The following MYO3A variants were observed in gnomAD, a reference collection of about 807,000 sequenced individuals.
The protein encoded by MYO3A is myosin-IIIa.
Under a neutral mutation model 192.7 loss-of-function variants are expected in MYO3A, and 180 were observed. The ratio of observed to expected loss-of-function variants is 0.93; its 90% confidence interval spans 0.83 to 1.06. MYO3A has a LOEUF of 1.06. Ranked by LOEUF, MYO3A falls within the 50% of genes least tolerant of loss-of-function variation. The pLI is 0.00. For missense variants in MYO3A, 1,896 were observed against 1,905.0 expected, an observed-to-expected ratio of 1.00 and a Z score of 0.09; for synonymous variants, 628 against 645.3, an observed-to-expected ratio of 0.97 and a Z score of 0.41.
intron 31 of MYO3A, among the ~76,000 whole-genome samples, chr10:26,180,862 G>A (rs1842590236): frequency 6.6e-6 from 1 of 151,820 alleles, no homozygotes; most frequent in Admixed American, 6.6e-5. Context: ...TTACTTTCTA[G>A]GTTTAAAAAA....
chr10:26,071,070 G>A (rs191916267), intron 14 of MYO3A, among the ~76,000 whole-genome samples: 138 of 151,584 alleles, frequency 9.1e-4, no homozygotes, highest in African/African-American at 3.3e-3. Flanking sequence ...AATATATATT[G>A]AAGGGCAAAG....
chr10:25,992,187 C>G (rs1840079007), intron 4 of MYO3A, among the ~76,000 whole-genome samples: 1 of 152,158 alleles, frequency 6.6e-6, no homozygotes, highest in African/African-American at 2.4e-5. Context: ...TCTTTTGTTT[C>G]ACTGAGCAGT....
chr10:26,046,605 A>G (rs2131258828), intron 10 of MYO3A, among the ~76,000 whole-genome samples: 1 of 152,330 alleles, frequency 6.6e-6, no homozygotes, highest in Non-Finnish European at 1.5e-5. Context: ...TTACAACCCA[A>G]AATAGATTAC....
intron 17 of MYO3A, among the ~76,000 whole-genome samples, chr10:26,107,839 A>G (rs926320513): frequency 6.6e-6 from 1 of 152,242 alleles, no homozygotes; most frequent in South Asian, 2.1e-4. Context: ...CACAACAGCT[A>G]TTGGATGCAT....
intron 4 of MYO3A, among the ~76,000 whole-genome samples, chr10:25,965,916 G>A (rs1180689664): frequency 1.3e-5 from 2 of 151,616 alleles, no homozygotes; most frequent in Non-Finnish European, 2.9e-5. Context: ...GGCTACCGGG[G>A]TAGGGAAGGG....
intron 14 of MYO3A, among the ~76,000 whole-genome samples, chr10:26,079,727 C>A (rs1484400951): frequency 6.6e-6 from 1 of 152,172 alleles, no homozygotes; most frequent in African/African-American, 2.4e-5. Flanking sequence ...ATGGTGAATT[C>A]TCTCAGCATT....
chr10:25,959,806 T>G (rs967290282), intron 4 of MYO3A, among the ~76,000 whole-genome samples: 2 of 138,622 alleles, frequency 1.4e-5, no homozygotes, highest in African/African-American at 6.5e-5. Flanking sequence ...AACCTGGGTG[T>G]GTGTGTGTGT....
intron 31 of MYO3A, among the ~76,000 whole-genome samples, chr10:26,182,953 A>G (rs1374338362): frequency 7.3e-6 from 1 of 136,552 alleles, no homozygotes; most frequent in East Asian, 2.1e-4. Flanking sequence ...AAGCGAGATG[A>G]CCAGGCAGGT....
At chr10:25,997,320 A>T (rs1487922888) in intron 6 of MYO3A, 62 bp downstream of exon 6, 14 of 1,266,246 alleles carry the variant, frequency 1.1e-5, no homozygotes, top group South Asian at 2.4e-5. Flanking sequence ...ATATGATTTG[A>T]TCTTTTTCGA....
chr10:26,014,436 A>G (rs931129084), intron 6 of MYO3A, among the ~76,000 whole-genome samples: 1 of 152,126 alleles, frequency 6.6e-6, no homozygotes, highest in African/African-American at 2.4e-5. Context: ...ATGCCAATAT[A>G]AAAGTCTTAT....
chr10:26,082,669 A>G (rs1427237285), intron 14 of MYO3A, among the ~76,000 whole-genome samples: 1 of 152,250 alleles, frequency 6.6e-6, no homozygotes, highest in Non-Finnish European at 1.5e-5. Flanking sequence ...TAGGCACAAT[A>G]AGAGATTAAC....
chr10:26,036,217 G>A (rs529832865), intron 10 of MYO3A, among the ~76,000 whole-genome samples: 2 of 152,154 alleles, frequency 1.3e-5, no homozygotes, highest in East Asian at 1.9e-4. Flanking sequence ...AGGATTACAG[G>A]CGTGAGCCAC....
intron 10 of MYO3A, among the ~76,000 whole-genome samples, chr10:26,050,757 T>G (rs184608862): frequency 1.1e-3 from 160 of 152,082 alleles, no homozygotes; most frequent in African/African-American, 3.8e-3. Flanking sequence ...ACATTTTTTT[T>G]CTTTAGCCTC....
intron 10 of MYO3A, among the ~76,000 whole-genome samples, chr10:26,059,994 A>C (rs1834356830): frequency 6.6e-6 from 1 of 152,234 alleles, no homozygotes; most frequent in Non-Finnish European, 1.5e-5. Flanking sequence ...GTGATGGCTC[A>C]CGCCCGTAAT....
intron 20 of MYO3A, among the ~76,000 whole-genome samples, chr10:26,136,114 C>T (rs900901663): frequency 6.6e-6 from 1 of 152,120 alleles, no homozygotes; most frequent in Admixed American, 6.5e-5. Flanking sequence ...CTCCAGTGAT[C>T]TGTACAAAGA....
chr10:26,023,438 G>T (rs1006814712), intron 8 of MYO3A: 6 of 152,900 alleles, frequency 3.9e-5, no homozygotes, highest in Admixed American at 3.9e-4. Context: ...AAATATATTT[G>T]TTCAGCTTAA....
intron 10 of MYO3A, among the ~76,000 whole-genome samples, chr10:26,058,023 A>G (rs79755913): frequency 0.061 from 9,274 of 152,244 alleles, 366 homozygotes; most frequent in Non-Finnish European, 0.088. Context: ...ATTAAGATTC[A>G]CTATTGGTGT....
intron 20 of MYO3A, among the ~76,000 whole-genome samples, chr10:26,139,971 A>G (rs1402105492): frequency 1.3e-5 from 2 of 152,214 alleles, no homozygotes; most frequent in East Asian, 3.8e-4. Context: ...AAGATGTAAT[A>G]GAAAATACAG....
chr10:26,072,110 A>C (rs1406956836), intron 14 of MYO3A, among the ~76,000 whole-genome samples: 4 of 152,138 alleles, frequency 2.6e-5, no homozygotes, highest in Admixed American at 2.6e-4. Context: ...TTATGAAACC[A>C]TCAGATCTTG....
Sources: allele counts gnomAD v4.1 joint callset (sites outside exome capture counted in the v4.1 genomes callset), GRCh38; gene constraint gnomAD v4.1.1; transcripts MANE v1.5; gene names NCBI Gene and HGNC (gene_info 2026-07-23, HGNC 2026-07-21).